The following XIAP variants were observed in gnomAD, a reference collection of about 807,000 sequenced individuals.
The protein encoded by XIAP is E3 ubiquitin-protein ligase XIAP.
A neutral mutation model predicts 33.1 loss-of-function variants in XIAP; 3 were observed. The observed-to-expected ratio is 0.09, with a 90% CI of 0.04 to 0.23. The LOEUF is 0.23. Among genes scored for constraint, XIAP ranks in the 10% least tolerant of loss-of-function variants. The probability of loss-of-function intolerance (pLI) is 1.00; values close to 1 mark genes in which losing one functional copy is unlikely to be tolerated. For missense variants in XIAP, 264 were observed against 363.0 expected, an observed-to-expected ratio of 0.73 and a Z score of 2.22; for synonymous variants, 98 against 121.3, an observed-to-expected ratio of 0.81 and a Z score of 1.26.
At chrX:123,875,802 C>A in intron 1 of XIAP, among the ~76,000 whole-genome samples, 1 of 110,738 alleles carries the variant, frequency 9.0e-6, no homozygotes, top group South Asian at 3.9e-4. Flanking sequence ...TCCCCTGCCT[C>A]AGCCTCCCGA....
At chrX:123,894,550 C>T (rs1053690557) in intron 5 of XIAP, among the ~76,000 whole-genome samples, 4 of 111,756 alleles carry the variant, frequency 3.6e-5, no homozygotes, top group Non-Finnish European at 7.5e-5. Context: ...AGGTGGATCA[C>T]CTGAGGTCCA....
rs746630852 is a variant in XIAP, at chrX:123,911,232, CT to C, written c.*4054del. The stretch of plus-strand genomic sequence containing the variant: ...GTGGCTCATGCCTGTAATCCCAGCA[CT>C]TTGGGAGGCCGAGGCGGGCAGATCA... On this transcript the variant is annotated 3_prime_UTR_variant, in exon 7 of 7. Coordinates refer to ENST00000371199, the MANE Select transcript of XIAP (RefSeq NM_001167.4). 9.3e-6 allele frequency: 3 copies of C among 320,856 alleles called. No homozygotes were observed. Among genetic ancestry groups the C allele is most frequent in the African/African-American group, 9.2e-5 (3 of 32,621 alleles). 26.4% of individuals were successfully genotyped at this position (320,856 alleles called of 1,213,427 possible).
At chrX:123,891,188 A>G (rs1004928544) in intron 3 of XIAP, 50 bp from the exon 4 acceptor site, 2 of 631,908 alleles carry the variant, frequency 3.2e-6, no homozygotes, top group Non-Finnish European at 5.1e-6. Context: ...ATCTTTGCTT[A>G]TACTTCACTA....
In XIAP at chrX:123,900,803, C is replaced by T. The variant is rs1390421346; in HGVS notation, c.1300+110C>T. The T allele has an allele frequency of 5.2e-5, 36 of 686,328 alleles. 1 individual carries two copies. The South Asian group carries it at 6.1e-4, about 12-fold the overall frequency. The allele number at this position is 686,328 out of a possible 1,213,427, so 56.6% of individuals were successfully genotyped here. ...CAGGTGGATATGGACATTTTTTAAA[C>T]GTAACCTTAATGCTGTGTGTTAGTC... On this transcript the variant is annotated intron_variant, in intron 6 of 6. Transcript: ENST00000371199.
chrX:123,891,708 C>T (rs752824366), intron 4 of XIAP, among the ~76,000 whole-genome samples: 38 of 108,904 alleles, frequency 3.5e-4, no homozygotes, highest in Non-Finnish European at 6.7e-4. Flanking sequence ...GTAGTCCCAG[C>T]TACTTGGGCG....
At position 123,909,256 on chromosome X, in the gene XIAP, C is replaced by T. The variant is rs1437692037; in HGVS notation, c.*2075C>T. 3.1e-6 allele frequency: 1 copy of T among 325,401 alleles called. No individual in the cohort carries two copies. The allele number at this position is 325,401 out of a possible 1,213,427, so 26.8% of individuals were successfully genotyped here. A position where few individuals can be genotyped will look rare whatever the true frequency, so the allele number is the denominator to read the frequency against. On this transcript the variant is annotated 3_prime_UTR_variant, in exon 7 of 7. Coordinates refer to ENST00000371199, the MANE Select transcript of XIAP (RefSeq NM_001167.4). ...ATGTTGGCCAGGCTGGTATCAAACT[C>T]CTGACCTCAAGAGATCCACTCGCCT...
intron 6 of XIAP, among the ~76,000 whole-genome samples, chrX:123,906,574 G>A (rs1367522663): frequency 9.0e-6 from 1 of 111,272 alleles, no homozygotes; most frequent in African/African-American, 3.3e-5. Flanking sequence ...CTTTCCATAT[G>A]CTGCTCCTTT....
At chrX:123,890,943 A>G (rs2148095892) in intron 3 of XIAP, among the ~76,000 whole-genome samples, 1 of 110,256 alleles carries the variant, frequency 9.1e-6, no homozygotes, top group East Asian at 2.8e-4. Context: ...TCTGTCTCAA[A>G]AAAAAAAAAA....
intron 1 of XIAP, among the ~76,000 whole-genome samples, chrX:123,864,001 A>G (rs1052425703): frequency 1.8e-5 from 2 of 110,533 alleles, no homozygotes; most frequent in African/African-American, 6.6e-5. Context: ...AGCCAGGACC[A>G]TTTCAATAGT....
intron 6 of XIAP, among the ~76,000 whole-genome samples, chrX:123,906,377 C>T (rs1259452217): frequency 9.0e-6 from 1 of 111,590 alleles, no homozygotes; most frequent in African/African-American, 3.3e-5. Flanking sequence ...GATCCCAAAC[C>T]TGTACCTCCT....
At chrX:123,862,589 T>C (rs1330087865) in intron 1 of XIAP, among the ~76,000 whole-genome samples, 1 of 105,137 alleles carries the variant, frequency 9.5e-6, no homozygotes, top group African/African-American at 3.5e-5. Context: ...CACCTGACGC[T>C]GTGGCTCATG....
chrX:123,863,403 A>G lies in XIAP; in HGVS notation c.-33+3110A>G, dbSNP rs189287436. ...GAGGCGGAGGTTGCCGTGAGCTGAG[A>G]ACGCAACATTCAACTCCAGCCTGGG... On this transcript the variant is annotated intron_variant, in intron 1 of 6. Transcript: ENST00000371199. Among the ~76,000 whole-genome samples, 4 of 110,892 alleles carry G rather than the reference A, an allele frequency of 3.6e-5. No homozygotes were observed. The Admixed American group carries it at 3.9e-4, about 11-fold the overall frequency.
chrX:123,905,100 A>G (rs2053547789), intron 6 of XIAP, among the ~76,000 whole-genome samples: 1 of 111,699 alleles, frequency 9.0e-6, no homozygotes, highest in African/African-American at 3.3e-5. Flanking sequence ...AGATTAAACA[A>G]TCCTTTCCTC....
intron 1 of XIAP, among the ~76,000 whole-genome samples, chrX:123,866,573 G>GTATATAATATATTACATGTATAATATAT (rs1400691234): frequency 1.0e-5 from 1 of 96,378 alleles, no homozygotes; most frequent in African/African-American, 3.8e-5. Flanking sequence ...ATATAATATA[G>GTATATAATATATTACATGTATAATATAT]TATATAATAT....
chrX:123,879,906 A>G (rs2053282444), intron 1 of XIAP, among the ~76,000 whole-genome samples: 1 of 101,584 alleles, frequency 9.8e-6, no homozygotes, highest in Admixed American at 1.1e-4. Context: ...CGAGGTCAGG[A>G]GATCGAGACC....
intron 1 of XIAP, among the ~76,000 whole-genome samples, chrX:123,875,540 C>T (rs1478767112): frequency 1.8e-5 from 2 of 111,954 alleles, no homozygotes; most frequent in South Asian, 7.3e-4. Context: ...TGACCTTTGC[C>T]AAATAGGATA....
chrX:123,894,956 G>GTAAGTAAGTAAGTAAA (rs762956643), intron 5 of XIAP, among the ~76,000 whole-genome samples: 8 of 105,742 alleles, frequency 7.6e-5, no homozygotes, highest in Admixed American at 4.2e-4. Context: ...ACATAAATAA[G>GTAAGTAAGTAAGTAAA]TAAATAAATA....
At chrX:123,893,476 C>T (rs762992384) in intron 5 of XIAP, among the ~76,000 whole-genome samples, 3 of 110,114 alleles carry the variant, frequency 2.7e-5, no homozygotes, top group Non-Finnish European at 5.7e-5. Flanking sequence ...TGCAGTGAGC[C>T]GAGATCATGC....
chrX:123,871,773 G>C (rs1003087531), intron 1 of XIAP, among the ~76,000 whole-genome samples: 6 of 111,065 alleles, frequency 5.4e-5, no homozygotes. Flanking sequence ...GCAAGACATA[G>C]TTATTATGAA....
Sources: allele counts gnomAD v4.1 joint callset (sites outside exome capture counted in the v4.1 genomes callset), GRCh38; gene constraint gnomAD v4.1.1; transcripts MANE v1.5; gene names NCBI Gene and HGNC (gene_info 2026-07-23, HGNC 2026-07-21).